Variants in CNOT9 observed in about 807,000 individuals in gnomAD.
The protein encoded by CNOT9 is RCD1 required for cell differentiation1 homolog.
In CNOT9, 8 loss-of-function variants were observed where a neutral mutation model predicts 37.4. The observed-to-expected ratio is 0.21, with a 90% CI of 0.13 to 0.39. The LOEUF is 0.39. Among genes scored for constraint, CNOT9 ranks in the 10% least tolerant of loss-of-function variants. The pLI is 1.00. For missense variants in CNOT9, 154 were observed against 365.3 expected (o/e 0.42, Z 4.71); for synonymous variants, 120 against 137.6 (o/e 0.87, Z 0.90).
chr2:218,584,806 T>G, intron 4 of CNOT9, 85 bp downstream of exon 4: 8 of 927,136 alleles, frequency 8.6e-6, no homozygotes, highest in Non-Finnish European at 1.4e-5. Context: ...GTTATGATTT[T>G]TGTACACCAG....
chr2:218,584,979 A>C (rs1694539125), intron 4 of CNOT9, among the ~76,000 whole-genome samples: 1 of 152,234 alleles, frequency 6.6e-6, no homozygotes, highest in Admixed American at 6.5e-5. Context: ...CTGGAATTGT[A>C]GGGAGAGTAA....
chr2:218,584,301 A>G (rs1694516553), intron 3 of CNOT9, among the ~76,000 whole-genome samples: 1 of 152,168 alleles, frequency 6.6e-6, no homozygotes, highest in Non-Finnish European at 1.5e-5. Context: ...GCAGGAGAGG[A>G]CTGTCCTGTG....
At chr2:218,583,977 A>G (rs1484231969) in intron 3 of CNOT9, among the ~76,000 whole-genome samples, 1 of 152,236 alleles carries the variant, frequency 6.6e-6, no homozygotes, top group African/African-American at 2.4e-5. Flanking sequence ...TATAGCAGGT[A>G]AGCCTGATAA....
chr2:218,585,641 T>TTA (rs199788383), intron 4 of CNOT9, among the ~76,000 whole-genome samples: 21,797 of 36,838 alleles, frequency 0.59, 4,509 homozygotes, highest in African/African-American at 0.65. Flanking sequence ...TTATTTTATT[T>TTA]TTTTTTTTTT....
At chr2:218,578,473 G>A (rs1194738348) in intron 1 of CNOT9, among the ~76,000 whole-genome samples, 1 of 152,142 alleles carries the variant, frequency 6.6e-6, no homozygotes, top group East Asian at 1.9e-4. Flanking sequence ...TGTACAATGG[G>A]TAGGTCATCA....
In CNOT9 at chr2:218,592,419, AT is replaced by A; in HGVS notation, c.639+18del. On this transcript the variant is annotated intron_variant, in intron 6 of 7. Coordinates refer to ENST00000273064, the MANE Select transcript of CNOT9 (RefSeq NM_005444.3). This position sits in a 1 kb window ranked among gnomAD's most constrained non-coding sequence, Gnocchi z 4.1. Reference sequence around the variant, plus strand: ...ATGATCTTGGTGAGTTCTTTCATCTATCCCCTTTACAACTACTTCTCATCAC... The same window carrying A: ...ATGATCTTGGTGAGTTCTTTCATCTACCCCTTTACAACTACTTCTCATCAC... The A allele has an allele frequency of 6.3e-7, 1 of 1,594,192 alleles. No homozygotes were observed. The highest frequency in any genetic ancestry group is 8.6e-7 in the Non-Finnish European group (1 of 1,161,964).
intron 1 of CNOT9, chr2:218,573,741 C>G (rs1485812814): frequency 1.3e-5 from 2 of 155,894 alleles, no homozygotes; most frequent in Admixed American, 6.4e-5. Context: ...CCAACTTAAA[C>G]TGTCAGTACC....
At chr2:218,581,043 T>C (rs772958449) in intron 2 of CNOT9, 2 of 517,642 alleles carry the variant, frequency 3.9e-6, no homozygotes, top group Non-Finnish European at 7.5e-6. Context: ...CGAACACCGC[T>C]TTAGGAGTAC....
chr2:218,593,643 T>C (rs554312420), intron 7 of CNOT9: 1 of 1,368,570 alleles, frequency 7.3e-7, no homozygotes, highest in South Asian at 1.8e-5. Context: ...CTTATTAAGG[T>C]TTTTAACCAT....
rs947540250 is a variant in CNOT9 at position 218,595,918 on chromosome 2, C to T, written c.*1642C>T. ...AGGAAGGGCAGAATAAGCACTTACT[C>T]CCCCTGCCTTCCAAGATGAAGAGGA... is the stretch of plus-strand genomic sequence containing the variant. On this transcript the variant is annotated 3_prime_UTR_variant, in exon 8 of 8. Coordinates refer to ENST00000273064, the MANE Select transcript of CNOT9 (RefSeq NM_005444.3). 1.3e-5 allele frequency: 2 copies of T among 152,146 alleles called. No individual in the cohort carries two copies. The highest frequency in any genetic ancestry group is 2.9e-5 in the Non-Finnish European group (2 of 68,040). 9.4% of individuals were successfully genotyped at this position (152,146 alleles called of 1,614,324 possible).
rs907380508 is a variant in CNOT9 at position 218,594,680 on chromosome 2, G to A, written c.*404G>A. The A allele has an allele frequency of 3.5e-5, 6 of 170,926 alleles. No homozygotes were observed. The highest frequency in any genetic ancestry group is 3.1e-4 in the Admixed American group (5 of 16,246). 10.6% of individuals were successfully genotyped at this position (170,926 alleles called of 1,614,324 possible). A position where few individuals can be genotyped will look rare whatever the true frequency, so the allele number is the denominator to read the frequency against. On this transcript the variant is annotated 3_prime_UTR_variant, in exon 8 of 8. Coordinates refer to ENST00000273064, the MANE Select transcript of CNOT9 (RefSeq NM_005444.3). ...AACGCCTGGGACCAAGCCATGTGGC[G>A]TTTTTTATTTTGCCTTTCTGGAAGA...
intron 4 of CNOT9, chr2:218,587,306 A>G (rs1185739998): frequency 2.0e-5 from 5 of 248,796 alleles, no homozygotes; most frequent in Middle Eastern, 6.0e-4. Flanking sequence ...TATTTTTAGT[A>G]GAGACGGGGT....
chr2:218,590,702 C>T (rs1694744669), intron 5 of CNOT9, among the ~76,000 whole-genome samples: 1 of 152,170 alleles, frequency 6.6e-6, no homozygotes, highest in Admixed American at 6.5e-5. Flanking sequence ...TTATGGCCCC[C>T]TCCCTCTTCA....
chr2:218,591,560 C>T (rs1392173797), intron 5 of CNOT9, among the ~76,000 whole-genome samples: 7 of 152,012 alleles, frequency 4.6e-5, no homozygotes, highest in South Asian at 2.1e-4. Context: ...CTAGCCAAGA[C>T]GGTGAAACCC....
At chr2:218,583,741 C>T (rs1391559306) in intron 3 of CNOT9, among the ~76,000 whole-genome samples, 1 of 152,162 alleles carries the variant, frequency 6.6e-6, no homozygotes, top group Non-Finnish European at 1.5e-5. Flanking sequence ...TGACCTTACA[C>T]AGCTTTAGAG....
rs139712376 is a variant in CNOT9, at chr2:218,571,181, T to C, written c.24+2203T>C. ...TACTTTCTGCCGAACAATGAAAGTGTGTATCTGTGACTTTATTTATCTCTT... is the reference window on the plus strand; with the variant it reads ...TACTTTCTGCCGAACAATGAAAGTGCGTATCTGTGACTTTATTTATCTCTT... On this transcript the variant is annotated intron_variant, in intron 1 of 7. Coordinates refer to ENST00000273064, the MANE Select transcript of CNOT9 (RefSeq NM_005444.3). Among the ~76,000 whole-genome samples the C allele has an allele frequency of 1.9e-3, 288 of 152,330 alleles. 1 individual carries two copies. Among genetic ancestry groups the C allele is most frequent in the Non-Finnish European group, 3.1e-3 (208 of 68,036 alleles).
intron 1 of CNOT9, among the ~76,000 whole-genome samples, chr2:218,575,227 C>A (rs1694124738): frequency 6.6e-6 from 1 of 152,114 alleles, no homozygotes; most frequent in Admixed American, 6.6e-5. Flanking sequence ...GAGGTCTTTC[C>A]TGTTCTTCAA....
chr2:218,580,979 C>T (rs1409792333), intron 2 of CNOT9: 1 of 594,710 alleles, frequency 1.7e-6, no homozygotes, highest in Admixed American at 2.1e-5. Context: ...TTAATAAGCA[C>T]TTTCACCTCC....
chr2:218,583,268 T>C, intron 3 of CNOT9, among the ~76,000 whole-genome samples, 182 bp downstream of exon 3: 1 of 71,392 alleles, frequency 1.4e-5, no homozygotes, highest in African/African-American at 4.7e-5. Flanking sequence ...TCTCTCTCTC[T>C]CTCTCTCTCT....
Sources: gnomAD v4.1 joint callset for allele counts (sites outside exome capture counted in the v4.1 genomes callset) on GRCh38, gnomAD v4.1.1 for gene constraint, Gnocchi (gnomAD v3.1) non-coding constraint, MANE v1.5 for transcripts, NCBI Gene and HGNC (gene_info 2026-07-23, HGNC 2026-07-21) for gene names.